The following C1orf87 variants were observed in gnomAD, a reference collection of about 807,000 sequenced individuals.
C1orf87 encodes chromosome 1 open reading frame 87.
C1orf87 carries 58 observed loss-of-function variants against 60.5 expected under a neutral mutation model. That is an observed-to-expected ratio of 0.96 (90% CI 0.78 to 1.19). C1orf87 has a LOEUF of 1.19. Among genes scored for constraint, C1orf87 ranks in the 50% most tolerant of loss-of-function variants. The pLI is 0.00. For synonymous variants in C1orf87, 236 were observed against 227.4 expected, an observed-to-expected ratio of 1.04 and a Z score of -0.34; for missense variants, 673 against 638.6, an observed-to-expected ratio of 1.05 and a Z score of -0.58.
chr1:60,059,146 A>G lies in C1orf87; in HGVS notation c.108-3708T>C, dbSNP rs557265521. Among the ~76,000 whole-genome samples the G allele has an allele frequency of 5.2e-4, 79 of 152,346 alleles. 2 individuals carry two copies. In the South Asian group the frequency reaches 0.016, roughly 32 times the overall value. ...AATGACTCTCTAGCTGAGAAACGGC[A>G]TGTGTCTGTGGTTAGCACAAACAAT... On this transcript the variant is annotated intron_variant, in intron 2 of 11. Coordinates refer to ENST00000371201, the MANE Select transcript of C1orf87 (RefSeq NM_152377.3).
At chr1:60,022,093 C>T (rs1268983126) in intron 8 of C1orf87, among the ~76,000 whole-genome samples, 1 of 142,324 alleles carries the variant, frequency 7.0e-6, no homozygotes, top group Non-Finnish European at 1.5e-5. Flanking sequence ...GGGAGCAACT[C>T]TTATAGAGGA....
chr1:60,015,166 A>G (rs1260470406), intron 8 of C1orf87, among the ~76,000 whole-genome samples: 1 of 152,140 alleles, frequency 6.6e-6, no homozygotes, highest in Non-Finnish European at 1.5e-5. Flanking sequence ...ATTAGGAGCT[A>G]TGGTCTTAGG....
At chr1:60,053,563 T>A (rs1449280746) in intron 3 of C1orf87, among the ~76,000 whole-genome samples, 1 of 144,652 alleles carries the variant, frequency 6.9e-6, no homozygotes, top group African/African-American at 2.5e-5. Flanking sequence ...ATTTTTTTCA[T>A]GCCAAGGGGA....
At chr1:60,040,417 G>T (rs1404013692) in intron 4 of C1orf87, among the ~76,000 whole-genome samples, 1 of 152,202 alleles carries the variant, frequency 6.6e-6, no homozygotes, top group Non-Finnish European at 1.5e-5. Flanking sequence ...ACATGGTCTG[G>T]TAGAAGATGC....
chr1:60,042,201 C>T (rs1191200783), intron 3 of C1orf87, among the ~76,000 whole-genome samples: 1 of 152,114 alleles, frequency 6.6e-6, no homozygotes, highest in African/African-American at 2.4e-5. Context: ...AAACTTGGCA[C>T]AAATCAAGAC....
intron 9 of C1orf87, chr1:60,008,864 T>C: frequency 2.9e-6 from 1 of 346,542 alleles, no homozygotes; most frequent in South Asian, 2.2e-5. Flanking sequence ...CCCTCTGAAA[T>C]CCTTCCTCCA....
At chr1:60,031,531 C>T (rs1273561464) in intron 7 of C1orf87, among the ~76,000 whole-genome samples, 1 of 152,166 alleles carries the variant, frequency 6.6e-6, no homozygotes, top group African/African-American at 2.4e-5. Context: ...CTTTCTTAGG[C>T]TGTTTTGAAG....
chr1:60,008,890 C>T (rs1645064302), intron 9 of C1orf87: 20 of 346,412 alleles, frequency 5.8e-5, no homozygotes, highest in South Asian at 4.4e-4. Context: ...TTGGCATTTC[C>T]GTGGAGACCC....
In C1orf87 at chr1:60,063,996, G is replaced by A. The variant is rs548609753; in HGVS notation, c.107+8541C>T. ...AAAGGCAGACCCACCCTCAATCTGG[G>A]TGGCACCATCTAATCAGCTGCCAGT... On this transcript the variant is annotated intron_variant, in intron 2 of 11. Transcript: ENST00000371201. Among the ~76,000 whole-genome samples the A allele has an allele frequency of 6.6e-3, 1,010 of 152,100 alleles. 7 individuals carry two copies. The highest frequency in any genetic ancestry group is 0.01 in the Non-Finnish European group (697 of 67,992).
At chr1:60,064,166 C>G (rs756372376) in intron 2 of C1orf87, among the ~76,000 whole-genome samples, 5 of 144,852 alleles carry the variant, frequency 3.5e-5, no homozygotes, top group Non-Finnish European at 6.1e-5. Flanking sequence ...CAGACTGGCT[C>G]TCCTTGTTCT....
Position 60,041,073 on chromosome 1 carries a change from G to A in C1orf87, c.401C>T (p.Ser134Phe), listed in dbSNP as rs1296198918. ...TCTCCTGGGAATGCCATGCACATAGGATAAGGACTGGTCTCCGGTTGGTAC... is the reference window on the plus strand; with the variant it reads ...TCTCCTGGGAATGCCATGCACATAGAATAAGGACTGGTCTCCGGTTGGTAC... ...SSVPTGDQSL[S>F]YVHGIPRRKL... The change falls in exon 4 of 12, where the codon TCC becomes TTC. Residue 134 changes from serine (S) to phenylalanine (F), a missense_variant. By Grantham distance (155) the Ser-to-Phe change is radical. Transcript: ENST00000371201. 3 of 1,613,042 alleles carry A rather than the reference G, an allele frequency of 1.9e-6. No homozygotes were observed. The Admixed American group carries it at 5.0e-5, about 27-fold the overall frequency.
intron 6 of C1orf87, 96 bp from the exon 7 acceptor site, chr1:60,033,737 A>G (rs1293038854): frequency 1.5e-5 from 21 of 1,391,620 alleles, no homozygotes; most frequent in Non-Finnish European, 1.9e-5. Context: ...GCTACACACT[A>G]TGGAACCAGA....
intron 3 of C1orf87, among the ~76,000 whole-genome samples, chr1:60,051,234 G>T (rs1645412256): frequency 6.6e-6 from 1 of 152,138 alleles, no homozygotes; most frequent in Non-Finnish European, 1.5e-5. Context: ...AGGGAATTGG[G>T]ATTTAACAAG....
chr1:60,055,395 G>C lies in C1orf87; in HGVS notation c.151C>G (p.Gln51Glu). The change falls in exon 3 of 12, where the codon CAG becomes GAG. Residue 51 changes from glutamine to glutamate, a missense_variant. Coordinates refer to ENST00000371201, the MANE Select transcript of C1orf87 (RefSeq NM_152377.3). ...SLKTETQTMH[Q>E]KPMTDNARQM... ...CTTGCATTATCAGTCATTGGTTTCT[G>C]GTGCATTGTTTGGGTTTCTGTTTTC... The C allele has an allele frequency of 6.2e-7, 1 of 1,614,078 alleles. No individual in the cohort carries two copies. Among genetic ancestry groups the C allele is most frequent in the East Asian group, 2.2e-5 (1 of 44,872 alleles).
chr1:60,072,692 T>C (rs1645592716), intron 1 of C1orf87, 22 bp from the exon 2 acceptor site: 2 of 1,309,338 alleles, frequency 1.5e-6, no homozygotes, highest in African/African-American at 1.5e-5. Flanking sequence ...AATAAGTAAA[T>C]TGTTCCTCTT....
At chr1:60,068,238 C>T (rs1447414043) in intron 2 of C1orf87, among the ~76,000 whole-genome samples, 1 of 152,210 alleles carries the variant, frequency 6.6e-6, no homozygotes, top group East Asian at 1.9e-4. Flanking sequence ...AGCTCAAACA[C>T]AGGCAATACC....
intron 2 of C1orf87, among the ~76,000 whole-genome samples, chr1:60,064,553 T>A (rs1459296379): frequency 2.4e-5 from 3 of 125,798 alleles, no homozygotes; most frequent in Non-Finnish European, 3.2e-5. Flanking sequence ...TATATATATT[T>A]TATATATATA....
At chr1:60,070,353 C>T (rs370780584) in intron 2 of C1orf87, among the ~76,000 whole-genome samples, 2 of 151,968 alleles carry the variant, frequency 1.3e-5, no homozygotes, top group African/African-American at 2.4e-5. Context: ...TTTGGAGAAG[C>T]CTTTATTTTT....
intron 2 of C1orf87, among the ~76,000 whole-genome samples, chr1:60,070,733 T>C (rs1405891326): frequency 6.6e-6 from 1 of 152,224 alleles, no homozygotes; most frequent in Admixed American, 6.5e-5. Context: ...TATTTTATTT[T>C]ACAATTAATT....
Sources: allele counts gnomAD v4.1 joint callset (sites outside exome capture counted in the v4.1 genomes callset), GRCh38; gene constraint gnomAD v4.1.1; transcripts MANE v1.5; gene names NCBI Gene and HGNC (gene_info 2026-07-23, HGNC 2026-07-21).